The following RAB30 variants were observed in gnomAD, a reference collection of about 807,000 sequenced individuals.
RAB30 encodes RAB30, member RAS oncogene family, also known as ras-related protein Rab-30.
In RAB30, 9 loss-of-function variants were observed where a neutral mutation model predicts 25.1. The observed-to-expected ratio is 0.36, with a 90% CI of 0.22 to 0.63. RAB30 has a LOEUF of 0.63. RAB30 is among the 20% of genes least tolerant of loss of function. RAB30 has a pLI of 0.69. For synonymous variants in RAB30, 77 were observed against 86.4 expected (o/e 0.89, Z 0.60); for missense variants, 140 against 243.5 (o/e 0.58, Z 2.83).
Position 82,991,506 on chromosome 11 carries a change from C to CAAAAA in RAB30, c.177+2528_177+2532dup, listed in dbSNP as rs35298951. Among the ~76,000 whole-genome samples the CAAAAA allele has an allele frequency of 5.9e-4, 39 of 65,856 alleles. 1 individual carries two copies. Among genetic ancestry groups the CAAAAA allele is most frequent in the African/African-American group, 2.1e-3 (33 of 15,938 alleles). 43.2% of individuals were successfully genotyped at this position (65,856 alleles called of 152,430 possible). A position where few individuals can be genotyped will look rare whatever the true frequency, so the allele number is the denominator to read the frequency against. ...TAGGCAACAGAGCAAGACCCTTTCT[C>CAAAAA]AAAAAAAAAAAAAAAAAAAAAAAAG... On this transcript the variant is annotated intron_variant, in intron 3 of 4. Transcript: ENST00000527633.
At chr11:83,017,263 G>A (rs560777224) in intron 1 of RAB30, among the ~76,000 whole-genome samples, 2 of 152,250 alleles carry the variant, frequency 1.3e-5, no homozygotes, top group South Asian at 4.1e-4. Flanking sequence ...TTTGAGCCTG[G>A]GAAGTAGAGG....
Position 82,974,538 on chromosome 11 carries a change from T to G in RAB30, c.*7627A>C, listed in dbSNP as rs985481007. 1 of 152,204 alleles carries G rather than the reference T, an allele frequency of 6.6e-6. No homozygotes were observed. The highest frequency in any genetic ancestry group is 2.4e-5 in the African/African-American group (1 of 41,460). 9.4% of individuals were successfully genotyped at this position (152,204 alleles called of 1,614,324 possible). On this transcript the variant is annotated 3_prime_UTR_variant, in exon 5 of 5. Transcript: ENST00000527633. ...TCAAGTACTATTCTTATATTGAAGTTGGTTAGATTTTATATAACGCTGTAT... is the reference window on the plus strand; with the variant it reads ...TCAAGTACTATTCTTATATTGAAGTGGGTTAGATTTTATATAACGCTGTAT...
chr11:83,010,993 G>C (rs1173707960), intron 1 of RAB30, among the ~76,000 whole-genome samples: 2 of 152,222 alleles, frequency 1.3e-5, no homozygotes, highest in Non-Finnish European at 2.9e-5. Context: ...AGCTGCATTT[G>C]TCAGGACTGC....
At chr11:82,982,499 A>G (rs530893575) in intron 4 of RAB30, 84 bp from the exon 5 acceptor site, 1 of 1,417,756 alleles carries the variant, frequency 7.1e-7, no homozygotes, top group African/African-American at 1.4e-5. Context: ...TCCATATCTG[A>G]AGTCAAGCCA....
intron 2 of RAB30, 75 bp from the exon 3 acceptor site, chr11:82,994,197 A>T: frequency 7.9e-7 from 1 of 1,267,356 alleles, no homozygotes; most frequent in South Asian, 1.2e-5. Flanking sequence ...CTCCCCCAGC[A>T]ACACCCATCA....
chr11:83,026,626 C>G (rs1032865477), intron 1 of RAB30, among the ~76,000 whole-genome samples: 20 of 152,116 alleles, frequency 1.3e-4, no homozygotes, highest in African/African-American at 4.6e-4. Context: ...GATTTCCTTT[C>G]TTTATAATTT....
At chr11:83,033,478 A>G (rs1268112580) in intron 1 of RAB30, among the ~76,000 whole-genome samples, 3 of 152,198 alleles carry the variant, frequency 2.0e-5, no homozygotes, top group East Asian at 3.8e-4. Flanking sequence ...ATTTAGGCCA[A>G]TTTCTAATAA....
intron 1 of RAB30, among the ~76,000 whole-genome samples, chr11:83,008,919 G>GACC (rs1164778017): frequency 6.6e-6 from 1 of 152,104 alleles, no homozygotes; most frequent in Non-Finnish European, 1.5e-5. Context: ...AACTCCTTAG[G>GACC]TAGGATGGTG....
chr11:83,071,397 A>G (rs1858843300), intron 1 of RAB30: 2 of 152,160 alleles, frequency 1.3e-5, no homozygotes, highest in East Asian at 3.9e-4. Flanking sequence ...AGATTTTCCA[A>G]GAGCACTCCC....
chr11:83,000,250 A>T (rs1012684583), intron 1 of RAB30, among the ~76,000 whole-genome samples: 1 of 152,198 alleles, frequency 6.6e-6, no homozygotes, highest in Non-Finnish European at 1.5e-5. Context: ...TGCCTTTCAC[A>T]ATGCTGGCTC....
chr11:83,071,795 G>A lies in RAB30; in HGVS notation c.-113C>T, dbSNP rs1858854282. The A allele has an allele frequency of 3.1e-6, 1 of 319,896 alleles. No individual in the cohort carries two copies. Among genetic ancestry groups the A allele is most frequent in the Admixed American group, 4.9e-5 (1 of 20,246 alleles). 19.8% of individuals were successfully genotyped at this position (319,896 alleles called of 1,614,324 possible). ...TGCGATGTCCTGAGTCCAAGGGCTG[G>A]AGTCAGTCCCTGCCCTGGTGCTGCT... is the stretch of plus-strand genomic sequence containing the variant. On this transcript the variant is annotated 5_prime_UTR_variant, in exon 1 of 5. Coordinates refer to ENST00000527633, the MANE Select transcript of RAB30 (RefSeq NM_001286060.2).
chr11:83,028,011 A>G (rs1857766137), intron 1 of RAB30, among the ~76,000 whole-genome samples: 1 of 152,190 alleles, frequency 6.6e-6, no homozygotes, highest in Admixed American at 6.5e-5. Flanking sequence ...ATCACATTTT[A>G]GAGTGACATC....
chr11:83,022,253 A>T (rs1222071306), intron 1 of RAB30, among the ~76,000 whole-genome samples: 6 of 152,168 alleles, frequency 3.9e-5, no homozygotes, highest in Admixed American at 1.3e-4. Flanking sequence ...TGGACCTGCC[A>T]GGCTCAGGTG....
chr11:83,030,133 C>T (rs1857819995), intron 1 of RAB30, among the ~76,000 whole-genome samples: 1 of 152,124 alleles, frequency 6.6e-6, no homozygotes, highest in Admixed American at 6.6e-5. Context: ...TCAGAATTCA[C>T]CACTGTAGAA....
At chr11:82,992,008 C>T (rs1184548391) in intron 3 of RAB30, among the ~76,000 whole-genome samples, 2 of 152,038 alleles carry the variant, frequency 1.3e-5, no homozygotes, top group Non-Finnish European at 2.9e-5. Flanking sequence ...CCTTATTCAC[C>T]CTTATTTATG....
intron 1 of RAB30, among the ~76,000 whole-genome samples, chr11:83,070,927 T>G (rs1858827022): frequency 6.6e-6 from 1 of 152,224 alleles, no homozygotes; most frequent in Admixed American, 6.5e-5. Context: ...ATGGTACCAT[T>G]GTCAGTGGCA....
chr11:83,021,941 C>T (rs1857588499), intron 1 of RAB30, among the ~76,000 whole-genome samples: 1 of 152,206 alleles, frequency 6.6e-6, no homozygotes, highest in Non-Finnish European at 1.5e-5. Flanking sequence ...TTCTTGAAGA[C>T]AGATCATATA....
At chr11:83,005,783 A>T (rs1224559335) in intron 1 of RAB30, among the ~76,000 whole-genome samples, 2 of 152,256 alleles carry the variant, frequency 1.3e-5, no homozygotes, top group African/African-American at 4.8e-5. Flanking sequence ...GCAAAACAAT[A>T]AAAATGAAGA....
At chr11:82,989,720 G>A (rs761037032) in intron 3 of RAB30, among the ~76,000 whole-genome samples, 11 of 152,218 alleles carry the variant, frequency 7.2e-5, no homozygotes, top group Non-Finnish European at 1.5e-4. Context: ...CTAGAACAGC[G>A]ATTGTATGAG....
Sources: gnomAD v4.1 joint callset for allele counts (sites outside exome capture counted in the v4.1 genomes callset) on GRCh38, gnomAD v4.1.1 for gene constraint, MANE v1.5 for transcripts, NCBI Gene and HGNC (gene_info 2026-07-23, HGNC 2026-07-21) for gene names.